ZMYM2: variants seen among roughly 807,000 people sequenced by gnomAD.
ZMYM2 encodes the protein zinc finger MYM-type containing 2.
Under a neutral mutation model 162.8 loss-of-function variants are expected in ZMYM2, and 56 were observed. The observed-to-expected ratio is 0.34, with a 90% CI of 0.28 to 0.43. The LOEUF is 0.43. Ranked by LOEUF, ZMYM2 falls within the 20% of genes least tolerant of loss-of-function variation. ZMYM2 has a pLI of 1.00. For missense variants in ZMYM2, 1,275 were observed against 1,621.8 expected, an observed-to-expected ratio of 0.79 and a Z score of 3.67; for synonymous variants, 510 against 541.6, an observed-to-expected ratio of 0.94 and a Z score of 0.81.
intron 2 of ZMYM2, among the ~76,000 whole-genome samples, chr13:19,960,880 C>T (rs1235451808): frequency 6.6e-6 from 1 of 152,144 alleles, no homozygotes; most frequent in Non-Finnish European, 1.5e-5. Context: ...CTGTCAGAGT[C>T]AGAGATGAGT....
rs1172805123 is a variant in ZMYM2, at chr13:19,993,293, C to T, written c.221C>T (p.Pro74Leu). 3 of 1,613,872 alleles carry T rather than the reference C, an allele frequency of 1.9e-6. No individual in the cohort carries two copies. The highest frequency in any genetic ancestry group is 2.5e-6 in the Non-Finnish European group (3 of 1,179,872). The change falls in exon 3 of 25, where the codon CCA becomes CTA. Residue 74 changes from proline to leucine, a missense_variant. Physicochemically the swap from Pro to Leu is moderately conservative, Grantham distance 98 (BLOSUM62 -3). Transcript: ENST00000610343. Reference sequence around the variant, plus strand: ...GTACAACCTCCCCCACCTTCTGTACCAGTGGTAGCTGATCAAAGAACCATA... The same window carrying T: ...GTACAACCTCCCCCACCTTCTGTACTAGTGGTAGCTGATCAAAGAACCATA... ...EPVQPPPPSV[P>L]VVADQRTITF...
At chr13:19,965,490 A>G (rs1955665056) in intron 2 of ZMYM2, among the ~76,000 whole-genome samples, 1 of 152,226 alleles carries the variant, frequency 6.6e-6, no homozygotes, top group African/African-American at 2.4e-5. Context: ...TGGATATTAC[A>G]ACACCTGTTA....
the ZMYM2 span, among the ~76,000 whole-genome samples, chr13:19,919,383 G>T: frequency 6.6e-6 from 1 of 152,212 alleles, no homozygotes; most frequent in East Asian, 1.9e-4. Context: ...TTGTTAAGTT[G>T]TATGGTAAGT....
chr13:19,956,986 T>A (rs987341751), upstream of ZMYM2, among the ~76,000 whole-genome samples: 1 of 152,222 alleles, frequency 6.6e-6, no homozygotes, highest in African/African-American at 2.4e-5. Context: ...AAGAGGCTAT[T>A]TTAGTGTATT....
intron 11 of ZMYM2, among the ~76,000 whole-genome samples, chr13:20,035,282 A>G (rs914549166): frequency 6.6e-6 from 1 of 152,234 alleles, no homozygotes; most frequent in African/African-American, 2.4e-5. Context: ...TCGTTCAACT[A>G]GTGCGTTCAT....
intron 2 of ZMYM2, among the ~76,000 whole-genome samples, chr13:19,973,695 A>AAAAAC (rs1956533243): frequency 6.6e-6 from 1 of 151,410 alleles, no homozygotes. Flanking sequence ...AAAAACACCA[A>AAAAAC]AAAACAAAAC....
At chr13:19,929,881 T>G in the ZMYM2 span, among the ~76,000 whole-genome samples, 5 of 152,226 alleles carry the variant, frequency 3.3e-5, no homozygotes. Flanking sequence ...TATTTCAATT[T>G]CTTGAATAGT....
chr13:20,074,237 T>TGTGTGTGTGA (rs1491090474), intron 21 of ZMYM2, among the ~76,000 whole-genome samples: 264 of 127,556 alleles, frequency 2.1e-3, no homozygotes, highest in African/African-American at 6.6e-3. Context: ...TGTGTGTGTG[T>TGTGTGTGTGA]GAGAGAGACA....
At chr13:19,878,255 G>A in the ZMYM2 span, among the ~76,000 whole-genome samples, 1 of 152,014 alleles carries the variant, frequency 6.6e-6, no homozygotes, top group Admixed American at 6.6e-5. Flanking sequence ...GTTTCACCAT[G>A]TTGGCCAGGC....
intron 2 of ZMYM2, among the ~76,000 whole-genome samples, chr13:19,968,419 C>T (rs1341245715): frequency 6.6e-6 from 1 of 152,102 alleles, no homozygotes; most frequent in Admixed American, 6.5e-5. Flanking sequence ...GCCACTGTCC[C>T]TGGCTAATTT....
chr13:19,885,921 A>ATATGTGTGTACACACATATATGTGTG, the ZMYM2 span, among the ~76,000 whole-genome samples: 5 of 45,868 alleles, frequency 1.1e-4, 1 homozygote, highest in South Asian at 5.7e-3. Flanking sequence ...ATATACACAT[A>ATATGTGTGTACACACATATATGTGTG]TATATGTGTA....
chr13:19,979,593 C>T (rs1055440372), intron 2 of ZMYM2, among the ~76,000 whole-genome samples: 1 of 152,094 alleles, frequency 6.6e-6, no homozygotes, highest in African/African-American at 2.4e-5. Flanking sequence ...ATAGATGCTA[C>T]AGGGAAAGCT....
At chr13:19,989,578 A>T (rs560851845) in intron 2 of ZMYM2, among the ~76,000 whole-genome samples, 2 of 152,288 alleles carry the variant, frequency 1.3e-5, no homozygotes, top group East Asian at 3.9e-4. Flanking sequence ...TCTACATGAG[A>T]TGTTCTGATA....
intron 2 of ZMYM2, among the ~76,000 whole-genome samples, chr13:19,972,308 A>C (rs557021898): frequency 6.6e-6 from 1 of 152,336 alleles, no homozygotes; most frequent in Non-Finnish European, 1.5e-5. Context: ...ATGTGAATAC[A>C]TAATTTATGT....
chr13:20,021,962 T>G (rs1371729626), intron 7 of ZMYM2, among the ~76,000 whole-genome samples: 1 of 152,160 alleles, frequency 6.6e-6, no homozygotes, highest in African/African-American at 2.4e-5. Flanking sequence ...TTGTGTTTCC[T>G]CAACTCAGTG....
chr13:19,947,438 T>G, the ZMYM2 span, among the ~76,000 whole-genome samples: 13,152 of 144,290 alleles, frequency 0.091, 860 homozygotes, highest in African/African-American at 0.18. Context: ...ATGTATCGCT[T>G]CTTCTTCTTC....
chr13:19,907,794 T>A, the ZMYM2 span, among the ~76,000 whole-genome samples: 1 of 137,046 alleles, frequency 7.3e-6, no homozygotes, highest in Non-Finnish European at 1.6e-5. Context: ...AGGTAAAGTC[T>A]ATTTTTAAGA....
chr13:19,916,844 T>G, the ZMYM2 span, among the ~76,000 whole-genome samples: 1 of 152,188 alleles, frequency 6.6e-6, no homozygotes, highest in Non-Finnish European at 1.5e-5. Context: ...ACATGTACCC[T>G]AGAACTTAAA....
At chr13:19,902,590 T>G in the ZMYM2 span, among the ~76,000 whole-genome samples, 3 of 152,164 alleles carry the variant, frequency 2.0e-5, no homozygotes, top group Non-Finnish European at 4.4e-5. Flanking sequence ...CACTCCAGCC[T>G]GGGCAACAAG....
Sources: allele counts gnomAD v4.1 joint callset (sites outside exome capture counted in the v4.1 genomes callset), GRCh38; gene constraint gnomAD v4.1.1; transcripts MANE v1.5; gene names NCBI Gene and HGNC (gene_info 2026-07-23, HGNC 2026-07-21).